WWOX: variants seen among roughly 807,000 people sequenced by gnomAD.
The protein encoded by WWOX is WW domain containing oxidoreductase, also known as WW domain-containing oxidoreductase.
A neutral mutation model predicts 46.2 loss-of-function variants in WWOX; 69 were observed. The observed-to-expected ratio is 1.49, with a 90% CI of 1.23 to 1.82. The LOEUF (loss-of-function observed/expected upper bound fraction) is 1.82, where lower values mean the gene tolerates loss of function less well. Among genes scored for constraint, WWOX ranks in the 40% most tolerant of loss-of-function variants. The pLI, the probability that WWOX is intolerant of heterozygous loss-of-function variation, is 0.00. For synonymous variants in WWOX, 359 were observed against 202.6 expected, an observed-to-expected ratio of 1.77 and a Z score of -6.56; for missense variants, 919 against 542.6, an observed-to-expected ratio of 1.69 and a Z score of -6.89.
intron 8 of WWOX, among the ~76,000 whole-genome samples, chr16:79,078,699 A>C (rs1315620042): frequency 1.3e-5 from 2 of 152,220 alleles, no homozygotes; most frequent in African/African-American, 2.4e-5. Flanking sequence ...CTTGATGGAT[A>C]AAGGGAGATT....
At chr16:78,934,236 G>A (rs1286155394) in intron 8 of WWOX, among the ~76,000 whole-genome samples, 1 of 150,282 alleles carries the variant, frequency 6.7e-6, no homozygotes, top group Non-Finnish European at 1.5e-5. Context: ...TACTCGGGAG[G>A]CTGAGGCAGG....
At chr16:78,386,681 C>A (rs929961749) in intron 5 of WWOX, among the ~76,000 whole-genome samples, 179 bp from the exon 6 acceptor site, 1 of 145,970 alleles carries the variant, frequency 6.9e-6, no homozygotes, top group African/African-American at 2.7e-5. Context: ...TCACATCCTC[C>A]CCGAACTTGG....
chr16:78,845,842 A>G (rs1226000290), intron 8 of WWOX, among the ~76,000 whole-genome samples: 1 of 152,242 alleles, frequency 6.6e-6, no homozygotes, highest in Admixed American at 6.5e-5. Flanking sequence ...CTGAGAGTGA[A>G]TATGAGAGTG....
chr16:78,591,103 G>A (rs766127562), intron 8 of WWOX, among the ~76,000 whole-genome samples: 5 of 152,166 alleles, frequency 3.3e-5, no homozygotes, highest in Admixed American at 2.6e-4. Context: ...ATGTGGTTCT[G>A]CTTCTCTGAG....
chr16:78,130,687 T>C (rs900451839), intron 4 of WWOX, among the ~76,000 whole-genome samples: 3 of 152,212 alleles, frequency 2.0e-5, no homozygotes, highest in African/African-American at 4.8e-5. Context: ...GTGATGATAT[T>C]GGACTCACTG....
At chr16:78,573,713 A>G (rs960236170) in intron 8 of WWOX, among the ~76,000 whole-genome samples, 4 of 152,324 alleles carry the variant, frequency 2.6e-5, no homozygotes, top group East Asian at 1.9e-4. Context: ...ACTGAACCAT[A>G]ATCCAAAGCT....
At position 78,883,836 on chromosome 16, in the gene WWOX, G is replaced by C. The variant is rs760421205; in HGVS notation, c.1057-327772G>C. Among the ~76,000 whole-genome samples the C allele has an allele frequency of 5.3e-5, 8 of 152,246 alleles. No individual in the cohort carries two copies. The South Asian group carries it at 6.2e-4, about 12-fold the overall frequency. Reference sequence around the variant, plus strand: ...TGGAGGAACTCTGTGTACTCTGTTTGTAAGTTTCCTGTAATACTAATATTC... The same window carrying C: ...TGGAGGAACTCTGTGTACTCTGTTTCTAAGTTTCCTGTAATACTAATATTC... On this transcript the variant is annotated intron_variant, in intron 8 of 8. Coordinates refer to ENST00000566780, the MANE Select transcript of WWOX (RefSeq NM_016373.4).
At chr16:79,002,738 G>C (rs1313910961) in intron 8 of WWOX, among the ~76,000 whole-genome samples, 1 of 152,130 alleles carries the variant, frequency 6.6e-6, no homozygotes, top group East Asian at 1.9e-4. Context: ...CTGACACTTA[G>C]TTTTCACCCG....
intron 8 of WWOX, chr16:78,503,771 T>C (rs1350278451): frequency 1.3e-5 from 2 of 152,236 alleles, no homozygotes; most frequent in Non-Finnish European, 2.9e-5. Flanking sequence ...TGCGAGTATT[T>C]CTGATTCCTT....
At chr16:79,181,403 A>G (rs1597452321) in intron 8 of WWOX, among the ~76,000 whole-genome samples, 1 of 152,134 alleles carries the variant, frequency 6.6e-6, no homozygotes, top group African/African-American at 2.4e-5. Context: ...TATGAATACT[A>G]CAGCAATATA....
At chr16:78,318,534 A>G (rs2080400158) in intron 5 of WWOX, among the ~76,000 whole-genome samples, 1 of 152,166 alleles carries the variant, frequency 6.6e-6, no homozygotes, top group Non-Finnish European at 1.5e-5. Context: ...AATGTTAAGA[A>G]CACAACATTT....
chr16:78,715,627 A>T (rs148587758), intron 8 of WWOX, among the ~76,000 whole-genome samples: 1,822 of 152,178 alleles, frequency 0.012, 32 homozygotes, highest in African/African-American at 0.041. Context: ...TTACAGGCAC[A>T]TGCCACCACA....
At chr16:78,368,897 C>T (rs955856901) in intron 5 of WWOX, among the ~76,000 whole-genome samples, 6 of 152,184 alleles carry the variant, frequency 3.9e-5, no homozygotes, top group African/African-American at 1.4e-4. Context: ...TGGTACATCC[C>T]ACCACTGCTC....
intron 8 of WWOX, among the ~76,000 whole-genome samples, chr16:79,198,105 A>C (rs1410492723): frequency 6.6e-6 from 1 of 151,756 alleles, no homozygotes; most frequent in East Asian, 1.9e-4. Context: ...CAGGTGGATC[A>C]CCTGAGGACA....
At chr16:78,898,850 T>A (rs1446941024) in intron 8 of WWOX, 2 of 152,172 alleles carry the variant, frequency 1.3e-5, no homozygotes, top group Non-Finnish European at 2.9e-5. Flanking sequence ...AAATTAACTC[T>A]TACACATTTG....
intron 8 of WWOX, among the ~76,000 whole-genome samples, chr16:78,467,414 TACA>T (rs1488654677): frequency 6.6e-6 from 1 of 152,208 alleles, no homozygotes; most frequent in Admixed American, 6.5e-5. Flanking sequence ...AATATTTGAA[TACA>T]AGTCTTATCT....
At chr16:78,236,352 T>A (rs1278431508) in intron 5 of WWOX, among the ~76,000 whole-genome samples, 1 of 152,188 alleles carries the variant, frequency 6.6e-6, no homozygotes, top group Non-Finnish European at 1.5e-5. Flanking sequence ...TAGTTTGAGA[T>A]TTGAGGCCTC....
At chr16:78,141,609 G>C (rs1385312784) in intron 4 of WWOX, among the ~76,000 whole-genome samples, 1 of 152,096 alleles carries the variant, frequency 6.6e-6, no homozygotes, top group Non-Finnish European at 1.5e-5. Context: ...TATGGGAATT[G>C]TAATCATTAG....
At chr16:78,232,701 G>A (rs1018896949) in intron 5 of WWOX, among the ~76,000 whole-genome samples, 1 of 152,162 alleles carries the variant, frequency 6.6e-6, no homozygotes, top group African/African-American at 2.4e-5. Flanking sequence ...TTTCCTAATG[G>A]AGGCCCTTTT....
Sources: allele counts gnomAD v4.1 joint callset (sites outside exome capture counted in the v4.1 genomes callset), GRCh38; gene constraint gnomAD v4.1.1; transcripts MANE v1.5; gene names NCBI Gene and HGNC (gene_info 2026-07-23, HGNC 2026-07-21).